RIMS2: variants seen among roughly 807,000 people sequenced by gnomAD.
RIMS2 encodes regulating synaptic membrane exocytosis 2.
A neutral mutation model predicts 174.4 loss-of-function variants in RIMS2; 59 were observed. The ratio of observed to expected loss-of-function variants is 0.34; its 90% CI spans 0.27 to 0.42. RIMS2 has a LOEUF of 0.42. Ranked by LOEUF, RIMS2 falls within the 10% of genes least tolerant of loss-of-function variation. The pLI, the probability that RIMS2 is intolerant of heterozygous loss-of-function variation, is 1.00. For missense variants in RIMS2, 1,620 were observed against 1,666.3 expected (o/e 0.97, Z 0.48); for synonymous variants, 606 against 572.5 (o/e 1.06, Z -0.84).
chr8:104,087,264 A>G (rs1479568595), intron 19 of RIMS2, among the ~76,000 whole-genome samples: 2 of 152,150 alleles, frequency 1.3e-5, no homozygotes, highest in Non-Finnish European at 2.9e-5. Context: ...AGGCCCAGAT[A>G]TAGATAATAA....
Position 103,730,019 on chromosome 8 carries a change from C to T in RIMS2, c.387+32723C>T, listed in dbSNP as rs547970691. Among the ~76,000 whole-genome samples, 19 of 152,216 alleles carry T rather than the reference C, an allele frequency of 1.2e-4. 1 individual carries two copies. Among genetic ancestry groups the T allele is most frequent in the Admixed American group, 1.2e-3 (19 of 15,282 alleles). ...GCTGAGGAAAATAATGTATATTCTG[C>T]AGTTGTTGGATGCAGGCAGTGTTCT... is the stretch of plus-strand genomic sequence containing the variant. On this transcript the variant is annotated intron_variant, in intron 2 of 23. Coordinates refer to ENST00000504942, the Ensembl canonical transcript of RIMS2.
At chr8:103,502,511 G>A (rs1052671330) in intron 1 of RIMS2, among the ~76,000 whole-genome samples, 2 of 152,068 alleles carry the variant, frequency 1.3e-5, no homozygotes, top group African/African-American at 4.8e-5. Context: ...ACTTATTTGG[G>A]AATGTTATTT....
intron 19 of RIMS2, among the ~76,000 whole-genome samples, chr8:104,033,865 T>C (rs1028909124): frequency 1.3e-5 from 2 of 152,186 alleles, no homozygotes; most frequent in African/African-American, 2.4e-5. Flanking sequence ...GATGTAGGTA[T>C]AGCAGATGAT....
At chr8:103,600,540 G>A (rs1042089055) in intron 1 of RIMS2, among the ~76,000 whole-genome samples, 4 of 152,130 alleles carry the variant, frequency 2.6e-5, no homozygotes, top group African/African-American at 7.2e-5. Flanking sequence ...CAAAGTGCTG[G>A]GATTACAGGC....
chr8:104,158,105 T>C (rs2098736249), intron 19 of RIMS2, among the ~76,000 whole-genome samples: 1 of 152,196 alleles, frequency 6.6e-6, no homozygotes, highest in African/African-American at 2.4e-5. Flanking sequence ...TATCCATATG[T>C]TCTCATTGTT....
rs188770151 is a variant in RIMS2, at chr8:103,766,524, A to G, written c.685A>G (p.Ile229Val). 6,195 of 1,610,886 alleles carry G rather than the reference A, an allele frequency of 3.8e-3. 14 individuals carry two copies. Among genetic ancestry groups the G allele is most frequent in the Non-Finnish European group, 4.9e-3 (5,765 of 1,177,528 alleles). Residue 229 changes from isoleucine (I) to valine (V), a missense_variant, in exon 3 of 24, where the codon ATA becomes GTA. By Grantham distance (29) the Ile-to-Val change is conservative. Coordinates refer to ENST00000504942, the Ensembl canonical transcript of RIMS2. ...CGTGAAGCATCACATTGCCAGTGAC[A>G]TAGCTTCAGACAGGTAAACATTTTG...
intron 19 of RIMS2, among the ~76,000 whole-genome samples, chr8:104,219,690 G>T (rs943205059): frequency 6.6e-6 from 1 of 151,956 alleles, no homozygotes; most frequent in African/African-American, 2.4e-5. Context: ...GTGTATATTT[G>T]TGACTCACTT....
intron 14 of RIMS2, among the ~76,000 whole-genome samples, chr8:103,951,549 C>T (rs2085366548): frequency 6.6e-6 from 1 of 152,198 alleles, no homozygotes; most frequent in Non-Finnish European, 1.5e-5. Context: ...CCATTAGGGA[C>T]TGTACCTTGG....
intron 2 of RIMS2, among the ~76,000 whole-genome samples, chr8:103,752,739 C>G (rs754029935): frequency 5.3e-5 from 8 of 152,038 alleles, no homozygotes; most frequent in South Asian, 2.1e-4. Flanking sequence ...CTGTTTGTCT[C>G]TTATTGGTGT....
At chr8:104,087,586 G>C (rs1174207331) in intron 19 of RIMS2, among the ~76,000 whole-genome samples, 3 of 152,070 alleles carry the variant, frequency 2.0e-5, no homozygotes, top group Non-Finnish European at 4.4e-5. Context: ...AGGGTGTTGA[G>C]TATGGCTCAT....
In RIMS2 at chr8:103,943,341, A is replaced by G. The variant is rs75714749; in HGVS notation, c.2701+415A>G. 2.3e-3 allele frequency among the ~76,000 whole-genome samples: 350 copies of G among 152,320 alleles called. 6 individuals are homozygous for G. The highest frequency in any genetic ancestry group is 0.018 in the Admixed American group (268 of 15,298). On this transcript the variant is annotated intron_variant, in intron 14 of 23. Coordinates refer to ENST00000504942, the Ensembl canonical transcript of RIMS2. ...GAATATGTAGTATACCAAGTATACT[A>G]TAGTGGTTGAAACCATGAACTTTAA...
At chr8:103,705,323 T>G (rs1464064044) in intron 2 of RIMS2, among the ~76,000 whole-genome samples, 1 of 152,108 alleles carries the variant, frequency 6.6e-6, no homozygotes, top group African/African-American at 2.4e-5. Flanking sequence ...GATATGATTT[T>G]TACTTTTAAA....
At chr8:103,640,060 G>T (rs947777286) in intron 1 of RIMS2, among the ~76,000 whole-genome samples, 7 of 151,730 alleles carry the variant, frequency 4.6e-5, no homozygotes, top group Admixed American at 2.6e-4. Context: ...GTATGTATTT[G>T]TTTGGTTTAT....
chr8:103,803,972 G>A (rs527424812), intron 3 of RIMS2, among the ~76,000 whole-genome samples: 2 of 152,272 alleles, frequency 1.3e-5, no homozygotes, highest in African/African-American at 2.4e-5. Context: ...CAGGCCCTGA[G>A]TCAGAGGATC....
At chr8:104,198,718 A>T (rs67581959) in intron 19 of RIMS2, among the ~76,000 whole-genome samples, 17,554 of 152,084 alleles carry the variant, frequency 0.12, 1,455 homozygotes, top group African/African-American at 0.23. Context: ...TTCTCCTAGG[A>T]TCCCATCCTC....
intron 19 of RIMS2, among the ~76,000 whole-genome samples, chr8:104,142,120 CTTT>C (rs71297257): frequency 2.3e-5 from 3 of 131,976 alleles, no homozygotes; most frequent in African/African-American, 8.6e-5. Context: ...AAATATCTTC[CTTT>C]TTTTTTTTTT....
chr8:103,552,807 A>C (rs554327519), intron 1 of RIMS2, among the ~76,000 whole-genome samples: 1 of 152,250 alleles, frequency 6.6e-6, no homozygotes, highest in African/African-American at 2.4e-5. Flanking sequence ...ACACTTCTCA[A>C]AAGAAGACAT....
chr8:103,796,793 T>C (rs1200194115), intron 3 of RIMS2, among the ~76,000 whole-genome samples: 1 of 152,262 alleles, frequency 6.6e-6, no homozygotes, highest in East Asian at 1.9e-4. Context: ...AAGAAATAAC[T>C]AGTATGTTGG....
At chr8:103,743,122 G>A (rs1353799367) in intron 2 of RIMS2, among the ~76,000 whole-genome samples, 1 of 152,148 alleles carries the variant, frequency 6.6e-6, no homozygotes, top group African/African-American at 2.4e-5. Context: ...CATCACTAAT[G>A]TTCTCTGGAC....
Sources: allele counts gnomAD v4.1 joint callset (sites outside exome capture counted in the v4.1 genomes callset), GRCh38; gene constraint gnomAD v4.1.1; transcripts MANE v1.5; gene names NCBI Gene and HGNC (gene_info 2026-07-23, HGNC 2026-07-21).